SOX5: variants seen among roughly 807,000 people sequenced by gnomAD.
The protein encoded by SOX5 is transcription factor SOX-5.
A neutral mutation model predicts 92.0 loss-of-function variants in SOX5; 9 were observed. The observed-to-expected ratio is 0.10, with a 90% CI of 0.06 to 0.17. SOX5 has a LOEUF of 0.17. Ranked by LOEUF, SOX5 falls within the 10% of genes least tolerant of loss-of-function variation. The pLI is 1.00. For missense variants in SOX5, 642 were observed against 944.5 expected (o/e 0.68, Z 4.20); for synonymous variants, 344 against 336.3 (o/e 1.02, Z -0.25).
intron 3 of SOX5, among the ~76,000 whole-genome samples, chr12:23,837,908 T>C (rs2096450236): frequency 8.7e-6 from 1 of 115,044 alleles, no homozygotes; most frequent in African/African-American, 3.6e-5. Flanking sequence ...TATTTATATT[T>C]ATATACTATG....
intron 2 of SOX5, among the ~76,000 whole-genome samples, chr12:24,301,145 G>A (rs1947898576): frequency 6.6e-6 from 1 of 152,194 alleles, no homozygotes. Flanking sequence ...CTGCTTCCTA[G>A]TTTGCCTCCA....
At chr12:24,277,437 GA>G (rs1274876345) in intron 2 of SOX5, 1 of 54,940 alleles carries the variant, frequency 1.8e-5, no homozygotes. Context: ...TATGTAAATT[GA>G]TAAACCATTA....
At chr12:23,887,409 A>T (rs7963266) in intron 2 of SOX5, among the ~76,000 whole-genome samples, 1 of 152,194 alleles carries the variant, frequency 6.6e-6, no homozygotes, top group East Asian at 1.9e-4. Context: ...AAACAAAATT[A>T]TATAATAAAG....
At chr12:24,249,911 G>T (rs1939683206) in intron 3 of SOX5, among the ~76,000 whole-genome samples, 1 of 152,050 alleles carries the variant, frequency 6.6e-6, no homozygotes, top group Non-Finnish European at 1.5e-5. Flanking sequence ...TATTCAAGTT[G>T]ATTTCCTGCA....
intron 12 of SOX5, 98 bp from the exon 13 acceptor site, chr12:23,543,482 A>T (rs1942510708): frequency 3.4e-6 from 3 of 872,822 alleles, no homozygotes; most frequent in Non-Finnish European, 5.3e-6. Context: ...ATCTGAAAAG[A>T]AAAAGTACTT....
At chr12:23,767,479 G>A (rs1284534545) in intron 3 of SOX5, among the ~76,000 whole-genome samples, 2 of 152,080 alleles carry the variant, frequency 1.3e-5, no homozygotes, top group East Asian at 3.9e-4. Context: ...TCTTTATTCA[G>A]AAAATTCCCT....
chr12:23,901,459 GT>G (rs2097231940), intron 1 of SOX5, among the ~76,000 whole-genome samples: 2 of 152,150 alleles, frequency 1.3e-5, no homozygotes, highest in South Asian at 4.1e-4. Context: ...TAAGCACTTT[GT>G]TTTCATAGTT....
At chr12:24,279,773 G>A (rs951894456) in intron 2 of SOX5, among the ~76,000 whole-genome samples, 2 of 152,052 alleles carry the variant, frequency 1.3e-5, no homozygotes, top group Admixed American at 1.3e-4. Context: ...AATAATTTTG[G>A]CAACTCTTAT....
chr12:24,205,386 C>A (rs1276469118), intron 4 of SOX5, among the ~76,000 whole-genome samples: 2 of 152,188 alleles, frequency 1.3e-5, no homozygotes, highest in African/African-American at 2.4e-5. Flanking sequence ...AAATATTTTA[C>A]ATGTATCATC....
At chr12:24,413,694 A>C (rs1322079858) in intron 1 of SOX5, among the ~76,000 whole-genome samples, 3 of 152,218 alleles carry the variant, frequency 2.0e-5, no homozygotes, top group Non-Finnish European at 4.4e-5. Flanking sequence ...TGCCAAAAGT[A>C]GCAATAGATA....
chr12:23,714,556 G>C (rs1420752329), intron 6 of SOX5, among the ~76,000 whole-genome samples: 1 of 152,152 alleles, frequency 6.6e-6, no homozygotes, highest in Non-Finnish European at 1.5e-5. Flanking sequence ...GGGAGGCGGA[G>C]GTTGCGGTGA....
At chr12:23,578,547 T>C (rs934975418) in intron 9 of SOX5, among the ~76,000 whole-genome samples, 2 of 152,022 alleles carry the variant, frequency 1.3e-5, no homozygotes, top group Non-Finnish European at 2.9e-5. Context: ...AAGATAACAT[T>C]TAAAAATATG....
chr12:24,130,504 A>C (rs1408296827), intron 4 of SOX5, among the ~76,000 whole-genome samples: 1 of 152,190 alleles, frequency 6.6e-6, no homozygotes, highest in East Asian at 1.9e-4. Flanking sequence ...TTGTTAACTT[A>C]TTCATATATA....
intron 4 of SOX5, among the ~76,000 whole-genome samples, chr12:24,131,082 C>T (rs1050833010): frequency 1.3e-5 from 2 of 152,174 alleles, no homozygotes; most frequent in African/African-American, 4.8e-5. Flanking sequence ...AATGATAGCT[C>T]ATCTGAAACT....
intron 1 of SOX5, among the ~76,000 whole-genome samples, chr12:24,451,251 A>G (rs12815001): frequency 0.099 from 15,042 of 152,210 alleles, 881 homozygotes; most frequent in South Asian, 0.16. Flanking sequence ...GCTGCAATAA[A>G]CATGGGGGTG....
At chr12:24,496,838 C>A (rs1205867909) in intron 1 of SOX5, among the ~76,000 whole-genome samples, 4 of 152,140 alleles carry the variant, frequency 2.6e-5, no homozygotes, top group Non-Finnish European at 4.4e-5. Context: ...AAGAACACAG[C>A]CTGAATTTAT....
chr12:24,298,291 A>C (rs1465568073), intron 2 of SOX5, among the ~76,000 whole-genome samples: 3 of 152,076 alleles, frequency 2.0e-5, no homozygotes, highest in Non-Finnish European at 4.4e-5. Flanking sequence ...CTGGTCTCAA[A>C]CTCCTGGAGT....
At chr12:23,592,961 C>T (rs1951787108) in intron 9 of SOX5, among the ~76,000 whole-genome samples, 1 of 151,968 alleles carries the variant, frequency 6.6e-6, no homozygotes, top group African/African-American at 2.4e-5. Flanking sequence ...CACCTGTAGT[C>T]CCAGCTACTC....
At chr12:23,672,855 T>C (rs1273978231) in intron 6 of SOX5, among the ~76,000 whole-genome samples, 2 of 152,176 alleles carry the variant, frequency 1.3e-5, no homozygotes, top group African/African-American at 2.4e-5. Context: ...CTTAATGCTA[T>C]GCAGGTTTAT....
Sources: allele counts gnomAD v4.1 joint callset (sites outside exome capture counted in the v4.1 genomes callset), GRCh38; gene constraint gnomAD v4.1.1; transcripts MANE v1.5; gene names NCBI Gene and HGNC (gene_info 2026-07-23, HGNC 2026-07-21).